KHDRBS2: variants seen among roughly 807,000 people sequenced by gnomAD.
KHDRBS2 encodes the protein KH domain-containing, RNA-binding, signal transduction-associated protein 2.
In KHDRBS2, 26 loss-of-function variants were observed where a neutral mutation model predicts 44.3. The ratio of observed to expected loss-of-function variants is 0.59; its 90% CI spans 0.43 to 0.81. The LOEUF is 0.81. Among genes scored for constraint, KHDRBS2 ranks in the 40% least tolerant of loss-of-function variants. The pLI, the probability that KHDRBS2 is intolerant of heterozygous loss-of-function variation, is 0.00. For missense variants in KHDRBS2, 476 were observed against 433.1 expected (o/e 1.10, Z -0.88); for synonymous variants, 194 against 151.1 (o/e 1.28, Z -2.08).
chr6:61,607,860 G>A, the KHDRBS2 span, among the ~76,000 whole-genome samples: 1 of 151,994 alleles, frequency 6.6e-6, no homozygotes, highest in African/African-American at 2.4e-5. Flanking sequence ...GCTATTTTTT[G>A]TATTTTTAGT....
intron 7 of KHDRBS2, among the ~76,000 whole-genome samples, chr6:61,720,826 T>G (rs1772347774): frequency 6.6e-6 from 1 of 151,450 alleles, no homozygotes; most frequent in African/African-American, 2.4e-5. Context: ...CCATTGCTTT[T>G]GGTGTTTTAG....
At chr6:61,615,340 G>A in the KHDRBS2 span, among the ~76,000 whole-genome samples, 2 of 151,666 alleles carry the variant, frequency 1.3e-5, no homozygotes, top group Non-Finnish European at 2.9e-5. Flanking sequence ...CTGTTTGTAA[G>A]CATTAAATAA....
the KHDRBS2 span, among the ~76,000 whole-genome samples, chr6:61,637,523 A>T: frequency 1.3e-5 from 2 of 152,112 alleles, no homozygotes; most frequent in African/African-American, 4.8e-5. Flanking sequence ...TAGCAGCATG[A>T]TTTATAGTCC....
At chr6:62,285,738 AG>A in intron 1 of KHDRBS2, 119 bp downstream of exon 1, 1 of 660,274 alleles carries the variant, frequency 1.5e-6, no homozygotes, top group East Asian at 2.9e-5. Flanking sequence ...GAGCATCTTC[AG>A]GGGGACAGTT....
the KHDRBS2 span, among the ~76,000 whole-genome samples, chr6:61,655,576 TA>T: frequency 1.3e-5 from 2 of 152,026 alleles, no homozygotes; most frequent in African/African-American, 4.8e-5. Context: ...TTTTAAGACA[TA>T]TTTTTTTTCT....
chr6:62,229,786 C>T (rs1446715031), intron 1 of KHDRBS2, among the ~76,000 whole-genome samples: 2 of 152,092 alleles, frequency 1.3e-5, no homozygotes, highest in South Asian at 2.1e-4. Context: ...GGCCGCCATA[C>T]CACACTGCTC....
chr6:62,014,102 A>T (rs998187037), intron 3 of KHDRBS2, among the ~76,000 whole-genome samples: 2 of 152,206 alleles, frequency 1.3e-5, no homozygotes, highest in Non-Finnish European at 2.9e-5. Flanking sequence ...TTGTTAAAAC[A>T]TGAGATTAAA....
intron 8 of KHDRBS2, among the ~76,000 whole-genome samples, chr6:61,688,976 A>C (rs1767093595): frequency 6.6e-6 from 1 of 151,918 alleles, no homozygotes; most frequent in South Asian, 2.1e-4. Context: ...ACTAACCATA[A>C]TATTAGAGTT....
rs1248337701 is a variant in KHDRBS2 at position 62,023,071 on chromosome 6, G to GA, written c.336+24806dup. Among the ~76,000 whole-genome samples the GA allele has an allele frequency of 2.0e-5, 3 of 151,492 alleles. No homozygotes were observed. In the South Asian group the frequency reaches 6.2e-4, roughly 31 times the overall value. On this transcript the variant is annotated intron_variant, in intron 3 of 8. Coordinates refer to ENST00000281156, the MANE Select transcript of KHDRBS2 (RefSeq NM_152688.4). ...GATGTTTAGCTTAGAACGTGAAAAA[G>GA]AAAAAACGCAATACCTTAAAAAACA...
At chr6:62,172,488 G>A (rs1246285908) in intron 2 of KHDRBS2, among the ~76,000 whole-genome samples, 1 of 151,928 alleles carries the variant, frequency 6.6e-6, no homozygotes, top group Non-Finnish European at 1.5e-5. Context: ...AATAGTGGGA[G>A]ACTCCAACAC....
chr6:62,005,788 T>C (rs10080600), intron 3 of KHDRBS2, among the ~76,000 whole-genome samples: 4,712 of 151,704 alleles, frequency 0.031, 244 homozygotes, highest in African/African-American at 0.11. Flanking sequence ...AAATAAAAAA[T>C]GATAAAGCAG....
intron 6 of KHDRBS2, among the ~76,000 whole-genome samples, chr6:61,762,962 GT>G (rs1779494004): frequency 6.6e-6 from 1 of 152,134 alleles, no homozygotes; most frequent in Non-Finnish European, 1.5e-5. Flanking sequence ...AGAGAAGGCA[GT>G]TCTTCTGCCT....
At chr6:62,095,064 A>T (rs912105738) in intron 2 of KHDRBS2, among the ~76,000 whole-genome samples, 3 of 151,864 alleles carry the variant, frequency 2.0e-5, no homozygotes, top group African/African-American at 7.2e-5. Flanking sequence ...GTCCATACGA[A>T]TTATATGATT....
At chr6:61,848,896 A>T (rs541728588) in intron 6 of KHDRBS2, among the ~76,000 whole-genome samples, 2 of 152,058 alleles carry the variant, frequency 1.3e-5, no homozygotes, top group East Asian at 1.9e-4. Context: ...ATGTATCTTT[A>T]CATAAACTTT....
intron 2 of KHDRBS2, among the ~76,000 whole-genome samples, chr6:62,174,020 A>G (rs568603893): frequency 4.0e-5 from 6 of 151,880 alleles, no homozygotes; most frequent in African/African-American, 7.2e-5. Flanking sequence ...ACCCTCTCTC[A>G]CTACTCATAT....
chr6:61,885,878 C>A (rs1800878186), intron 6 of KHDRBS2, among the ~76,000 whole-genome samples: 2 of 152,156 alleles, frequency 1.3e-5, no homozygotes, highest in Non-Finnish European at 2.9e-5. Context: ...GGCCTTCCTT[C>A]CTGTGCCTCT....
chr6:62,131,684 G>A (rs1383893053), intron 2 of KHDRBS2, among the ~76,000 whole-genome samples: 4 of 152,136 alleles, frequency 2.6e-5, no homozygotes, highest in African/African-American at 4.8e-5. Context: ...GTCCTAATTG[G>A]CTGAACCCAA....
chr6:61,625,406 A>G, the KHDRBS2 span, among the ~76,000 whole-genome samples: 3 of 149,866 alleles, frequency 2.0e-5, no homozygotes, highest in African/African-American at 7.4e-5. Context: ...ATGGAAGTGT[A>G]CCACGCAGAT....
At chr6:61,725,264 T>G (rs1197255361) in intron 7 of KHDRBS2, among the ~76,000 whole-genome samples, 1 of 152,076 alleles carries the variant, frequency 6.6e-6, no homozygotes, top group Admixed American at 6.6e-5. Context: ...AAAGAGACAA[T>G]GTACCAGAAA....
Sources: gnomAD v4.1 joint callset for allele counts (sites outside exome capture counted in the v4.1 genomes callset) on GRCh38, gnomAD v4.1.1 for gene constraint, MANE v1.5 for transcripts, NCBI Gene and HGNC (gene_info 2026-07-23, HGNC 2026-07-21) for gene names.